Variants in AGMO observed in about 807,000 individuals in gnomAD.
AGMO encodes alkylglycerol monooxygenase, also known as glyceryl-ether monooxygenase.
In AGMO, 75 loss-of-function variants were observed where a neutral mutation model predicts 60.2. The observed-to-expected ratio is 1.25, with a 90% CI of 1.03 to 1.51. The LOEUF (loss-of-function observed/expected upper bound fraction) is 1.51. AGMO is among the 40% of genes most tolerant of loss of function. AGMO has a pLI of 0.00. For synonymous variants in AGMO, 261 were observed against 177.1 expected, an observed-to-expected ratio of 1.47 and a Z score of -3.76; for missense variants, 763 against 525.5, an observed-to-expected ratio of 1.45 and a Z score of -4.42.
chr7:15,254,799 G>A (rs1388697852), intron 12 of AGMO, among the ~76,000 whole-genome samples: 2 of 151,564 alleles, frequency 1.3e-5, no homozygotes, highest in Non-Finnish European at 2.9e-5. Flanking sequence ...CATTACAACT[G>A]ATACCACAAA....
At chr7:15,364,264 G>A (rs987780574) in intron 12 of AGMO, among the ~76,000 whole-genome samples, 2 of 151,768 alleles carry the variant, frequency 1.3e-5, no homozygotes, top group African/African-American at 2.4e-5. Flanking sequence ...CAAGCAACAT[G>A]TTAGGTTTTG....
chr7:15,299,383 C>T (rs1051336307), intron 12 of AGMO, among the ~76,000 whole-genome samples: 1 of 151,930 alleles, frequency 6.6e-6, no homozygotes, highest in African/African-American at 2.4e-5. Flanking sequence ...TTTGTGTCCC[C>T]GAGCAGACTC....
At chr7:15,130,893 T>C in the AGMO span, among the ~76,000 whole-genome samples, 1 of 152,164 alleles carries the variant, frequency 6.6e-6, no homozygotes, top group African/African-American at 2.4e-5. Flanking sequence ...GAGCATTCCA[T>C]CTGCTCTATT....
intron 10 of AGMO, among the ~76,000 whole-genome samples, chr7:15,374,443 G>GT (rs1385187641): frequency 1.3e-5 from 2 of 151,926 alleles, no homozygotes; most frequent in Non-Finnish European, 2.9e-5. Flanking sequence ...ACAAAAAATT[G>GT]TAAGAAATAA....
chr7:15,164,887 T>A, the AGMO span, among the ~76,000 whole-genome samples: 25 of 149,494 alleles, frequency 1.7e-4, no homozygotes, highest in East Asian at 4.3e-3. Flanking sequence ...CAATCCTGAG[T>A]ATCTATCCAC....
At chr7:15,136,472 A>G in the AGMO span, among the ~76,000 whole-genome samples, 1 of 150,360 alleles carries the variant, frequency 6.7e-6, no homozygotes, top group African/African-American at 2.4e-5. Context: ...TTGCTTTAGC[A>G]TTGGTTGACT....
At chr7:15,213,075 T>C (rs1366174388) in intron 12 of AGMO, among the ~76,000 whole-genome samples, 1 of 152,012 alleles carries the variant, frequency 6.6e-6, no homozygotes. Context: ...CTTATTTTGT[T>C]CAATTATTAT....
At chr7:15,193,527 T>A in the AGMO span, among the ~76,000 whole-genome samples, 1 of 152,260 alleles carries the variant, frequency 6.6e-6, no homozygotes, top group East Asian at 1.9e-4. Flanking sequence ...GGTGTCAGAG[T>A]TAAATCTCAC....
At position 15,561,805 on chromosome 7, in the gene AGMO, T is replaced by G. The variant is rs745663329; in HGVS notation, c.41A>C (p.Gln14Pro). The G allele has an allele frequency of 1.2e-6, 2 of 1,610,356 alleles. No homozygotes were observed. The highest frequency in any genetic ancestry group is 3.3e-5 in the Admixed American group (2 of 59,792). ...PEAQQDVSVS[Q>P]GFRMLFYTMK... ...CGTGTAAAACAACATGCGAAATCCC[T>G]GGGAAACTGAAACATCCTGCTGGGC... is the stretch of plus-strand genomic sequence containing the variant. The change falls in exon 1 of 13, where the codon CAG (glutamine) becomes CCG (proline). Residue 14 changes from glutamine to proline, a missense_variant. Coordinates refer to ENST00000342526, the MANE Select transcript of AGMO (RefSeq NM_001004320.2).
In AGMO at chr7:15,561,494, G is replaced by T. The variant is rs531577771; in HGVS notation, c.126+226C>A. 2.0e-3 allele frequency among the ~76,000 whole-genome samples: 309 copies of T among 152,270 alleles called. 2 individuals carry two copies. The highest frequency in any genetic ancestry group is 7.0e-3 in the African/African-American group (290 of 41,562). On this transcript the variant is annotated intron_variant, in intron 1 of 12. Transcript: ENST00000342526. The stretch of plus-strand genomic sequence containing the variant: ...TAAACTTTTGTTTTTGTCATATTCT[G>T]GAGTGACATATAAAAGAGGGAATTT...
chr7:15,241,321 G>A (rs1001495087), intron 12 of AGMO, among the ~76,000 whole-genome samples: 2 of 151,268 alleles, frequency 1.3e-5, no homozygotes, highest in Admixed American at 6.6e-5. Flanking sequence ...TTAGCCGGGC[G>A]TGGTGGTGGG....
intron 12 of AGMO, among the ~76,000 whole-genome samples, chr7:15,249,124 A>G (rs530395949): frequency 2.3e-4 from 35 of 152,324 alleles, no homozygotes; most frequent in African/African-American, 8.2e-4. Context: ...AGTTGTTTTC[A>G]TATTTTTTCA....
At chr7:15,524,181 A>G (rs2128537146) in intron 3 of AGMO, among the ~76,000 whole-genome samples, 1 of 152,180 alleles carries the variant, frequency 6.6e-6, no homozygotes, top group South Asian at 2.1e-4. Context: ...CTAAAATAGT[A>G]AACTTGAATT....
At chr7:15,512,012 C>CAA (rs10716312) in intron 3 of AGMO, among the ~76,000 whole-genome samples, 3,436 of 140,744 alleles carry the variant, frequency 0.024, 93 homozygotes, top group African/African-American at 0.064. Flanking sequence ...AGAATACACA[C>CAA]AAAAAAAAAA....
intron 2 of AGMO, among the ~76,000 whole-genome samples, chr7:15,552,813 A>T (rs1189050727): frequency 6.7e-6 from 1 of 149,708 alleles, no homozygotes; most frequent in South Asian, 2.1e-4. Flanking sequence ...CAGCCATCCC[A>T]TTACTGGGTA....
chr7:15,335,258 TAATG>T (rs548303340), intron 12 of AGMO, among the ~76,000 whole-genome samples: 4 of 152,210 alleles, frequency 2.6e-5, no homozygotes, highest in East Asian at 3.9e-4. Flanking sequence ...TAGCTATTGT[TAATG>T]AATAGGAAGT....
chr7:15,349,911 T>TG (rs898270814), intron 12 of AGMO, among the ~76,000 whole-genome samples: 3 of 151,988 alleles, frequency 2.0e-5, no homozygotes, highest in Non-Finnish European at 2.9e-5. Flanking sequence ...TCCTATGACA[T>TG]GGGGGGATTA....
chr7:15,381,655 G>A (rs1164266889), intron 10 of AGMO, among the ~76,000 whole-genome samples: 1 of 152,104 alleles, frequency 6.6e-6, no homozygotes, highest in African/African-American at 2.4e-5. Context: ...ATTCCACCCA[G>A]CAATCCCATT....
intron 12 of AGMO, among the ~76,000 whole-genome samples, chr7:15,326,630 G>A (rs776034056): frequency 2.6e-5 from 4 of 151,960 alleles, no homozygotes; most frequent in Non-Finnish European, 5.9e-5. Context: ...TTTCTCTTAC[G>A]TGTGCTTACA....
Sources: allele counts gnomAD v4.1 joint callset (sites outside exome capture counted in the v4.1 genomes callset), GRCh38; gene constraint gnomAD v4.1.1; transcripts MANE v1.5; gene names NCBI Gene and HGNC (gene_info 2026-07-23, HGNC 2026-07-21).